The following RAP1A variants were observed in gnomAD, a reference collection of about 807,000 sequenced individuals.
RAP1A encodes the protein ras-related protein Rap-1A.
A neutral mutation model predicts 26.4 loss-of-function variants in RAP1A; 6 were observed. That is an observed-to-expected ratio of 0.23 (90% CI 0.12 to 0.45). The LOEUF is 0.45. RAP1A is among the 20% of genes least tolerant of loss of function. RAP1A has a pLI of 0.99. For missense variants in RAP1A, 121 were observed against 217.2 expected (o/e 0.56, Z 2.78); for synonymous variants, 73 against 79.4 (o/e 0.92, Z 0.43).
intron 1 of RAP1A, among the ~76,000 whole-genome samples, chr1:111,620,390 A>G (rs1375438075): frequency 6.7e-6 from 1 of 148,650 alleles, no homozygotes. Flanking sequence ...TCCCCTGTCT[A>G]GGGTCAGAGC....
At chr1:111,619,458 A>G (rs1659094804), upstream of RAP1A, among the ~76,000 whole-genome samples, 1 of 152,198 alleles carries the variant, frequency 6.6e-6, no homozygotes, top group African/African-American at 2.4e-5. Context: ...CTTAGTTAGA[A>G]CAGCGCCTGG....
chr1:111,623,655 C>T (rs976682690), intron 1 of RAP1A, among the ~76,000 whole-genome samples: 2 of 152,134 alleles, frequency 1.3e-5, no homozygotes, highest in African/African-American at 4.8e-5. Flanking sequence ...ATGATCCGCC[C>T]GCCTCAGCCT....
chr1:111,696,129 T>C (rs1333281488), intron 3 of RAP1A, among the ~76,000 whole-genome samples: 1 of 152,160 alleles, frequency 6.6e-6, no homozygotes, highest in African/African-American at 2.4e-5. Context: ...AGGTACTTGG[T>C]CTTGACAAAA....
chr1:111,619,872 GGGAGGA>G lies in RAP1A; in HGVS notation c.-75_-70del, dbSNP rs949595270. The G allele has an allele frequency of 2.5e-5, 10 of 396,374 alleles. No individual in the cohort carries two copies. Among genetic ancestry groups the G allele is most frequent in the Middle Eastern group, 6.2e-4 (1 of 1,608 alleles). The allele number at this position is 396,374 out of a possible 1,614,324, so 24.6% of individuals were successfully genotyped here. A position where few individuals can be genotyped will look rare whatever the true frequency, so the allele number is the denominator to read the frequency against. Reference sequence around the variant, plus strand: ...GGAGCAGGAGCCACGGCCGAGAGGAGGGAGGAGGAGGAGGAGGAGGTGGAGGAGGTG... The same window carrying G: ...GGAGCAGGAGCCACGGCCGAGAGGAGGGAGGAGGAGGAGGTGGAGGAGGTG... On this transcript the variant is annotated 5_prime_UTR_variant, in exon 1 of 8. Coordinates refer to ENST00000369709, the MANE Select transcript of RAP1A (RefSeq NM_002884.4).
intron 6 of RAP1A, among the ~76,000 whole-genome samples, chr1:111,704,767 G>C (rs1375894670): frequency 6.6e-6 from 1 of 152,212 alleles, no homozygotes; most frequent in Non-Finnish European, 1.5e-5. Context: ...ATGCGATAAA[G>C]TGGTGTGTAA....
intron 3 of RAP1A, among the ~76,000 whole-genome samples, chr1:111,696,863 C>G (rs1030741156): frequency 6.6e-6 from 1 of 152,056 alleles, no homozygotes; most frequent in African/African-American, 2.4e-5. Flanking sequence ...TAGAAAAGTG[C>G]CTTTTTCTTG....
chr1:111,662,214 T>G (rs1332007848), intron 1 of RAP1A, among the ~76,000 whole-genome samples: 1 of 151,870 alleles, frequency 6.6e-6, no homozygotes, highest in Non-Finnish European at 1.5e-5. Context: ...GCTAACATGG[T>G]GAAACCCCGT....
At chr1:111,551,140 G>A (rs753214988) in intron 1 of RAP1A, among the ~76,000 whole-genome samples, 6 of 152,038 alleles carry the variant, frequency 3.9e-5, no homozygotes, top group Non-Finnish European at 7.4e-5. Flanking sequence ...AATCTAAAGG[G>A]AGACTTTTAC....
At chr1:111,683,478 G>A (rs141207415) in intron 1 of RAP1A, among the ~76,000 whole-genome samples, 2,097 of 151,924 alleles carry the variant, frequency 0.014, 45 homozygotes, top group African/African-American at 0.049. Context: ...GTGATAAAGG[G>A]GATATCACCA....
At chr1:111,611,395 G>C (rs1401274959) in intron 1 of RAP1A, among the ~76,000 whole-genome samples, 1 of 152,110 alleles carries the variant, frequency 6.6e-6, no homozygotes, top group Non-Finnish European at 1.5e-5. Context: ...TGTTAGCTCA[G>C]TTTGTTGTAA....
rs138073393 is a variant in RAP1A, at chr1:111,693,816, C to G, written c.58-1525C>G. 6.5e-3 allele frequency among the ~76,000 whole-genome samples: 979 copies of G among 151,674 alleles called. 2 individuals carry two copies. Among genetic ancestry groups the G allele is most frequent in the Non-Finnish European group, 0.011 (748 of 67,972 alleles). Reference sequence around the variant, plus strand: ...AGTATTGTTAGGAAGATAGTTTGACCTTAGGGAGCCTCTGCCTTGGACCAT... The same window carrying G: ...AGTATTGTTAGGAAGATAGTTTGACGTTAGGGAGCCTCTGCCTTGGACCAT... On this transcript the variant is annotated intron_variant, in intron 2 of 7. Coordinates refer to ENST00000369709, the MANE Select transcript of RAP1A (RefSeq NM_002884.4).
intron 1 of RAP1A, among the ~76,000 whole-genome samples, chr1:111,654,224 C>G (rs1287748782): frequency 6.6e-6 from 1 of 152,112 alleles, no homozygotes; most frequent in Non-Finnish European, 1.5e-5. Context: ...TGGAATTTGC[C>G]ATCTTTTTTA....
At chr1:111,604,880 G>A (rs1294858122) in intron 1 of RAP1A, among the ~76,000 whole-genome samples, 1 of 152,044 alleles carries the variant, frequency 6.6e-6, no homozygotes, top group Non-Finnish European at 1.5e-5. Context: ...TATATGATTC[G>A]GCCACCACTC....
chr1:111,679,592 G>A (rs1661232949), intron 1 of RAP1A, among the ~76,000 whole-genome samples: 1 of 152,146 alleles, frequency 6.6e-6, no homozygotes, highest in African/African-American at 2.4e-5. Context: ...GGGGGCTGAA[G>A]CCAGGGAGCC....
At chr1:111,623,203 G>A (rs1426327379) in intron 1 of RAP1A, among the ~76,000 whole-genome samples, 2 of 148,112 alleles carry the variant, frequency 1.4e-5, no homozygotes, top group African/African-American at 5.0e-5. Context: ...TTTTTTAATC[G>A]TTAGTAGAGA....
chr1:111,573,687 G>GT (rs1164906801), intron 1 of RAP1A, among the ~76,000 whole-genome samples: 1 of 152,016 alleles, frequency 6.6e-6, no homozygotes, highest in East Asian at 1.9e-4. Context: ...ATCTAATGTG[G>GT]TTTTGATTTG....
At chr1:111,648,666 A>G in intron 1 of RAP1A, 1 of 531,860 alleles carries the variant, frequency 1.9e-6, no homozygotes. Context: ...GTCAATCTTT[A>G]AGGACTGGAC....
chr1:111,701,055 G>C (rs570227343), intron 4 of RAP1A, among the ~76,000 whole-genome samples: 1 of 152,254 alleles, frequency 6.6e-6, no homozygotes, highest in East Asian at 1.9e-4. Flanking sequence ...CCATTTAAAT[G>C]TAAGTCAGAT....
chr1:111,576,285 C>T (rs1170818318), intron 1 of RAP1A, among the ~76,000 whole-genome samples: 1 of 152,174 alleles, frequency 6.6e-6, no homozygotes, highest in African/African-American at 2.4e-5. Flanking sequence ...GAGTTATAAA[C>T]CCTTGGATAC....
Sources: gnomAD v4.1 joint callset for allele counts (sites outside exome capture counted in the v4.1 genomes callset) on GRCh38, gnomAD v4.1.1 for gene constraint, MANE v1.5 for transcripts, NCBI Gene and HGNC (gene_info 2026-07-23, HGNC 2026-07-21) for gene names.